The following PDS5B variants were observed in gnomAD, a reference collection of about 807,000 sequenced individuals.
The protein encoded by PDS5B is PDS5 cohesin associated factor B.
A neutral mutation model predicts 184.1 loss-of-function variants in PDS5B; 51 were observed. That is an observed-to-expected ratio of 0.28 (90% CI 0.22 to 0.35). The LOEUF (loss-of-function observed/expected upper bound fraction) is 0.35. Among genes scored for constraint, PDS5B ranks in the 10% least tolerant of loss-of-function variants. PDS5B has a pLI of 1.00. For synonymous variants in PDS5B, 566 were observed against 569.2 expected, an observed-to-expected ratio of 0.99 and a Z score of 0.08; for missense variants, 1,180 against 1,723.3, an observed-to-expected ratio of 0.68 and a Z score of 5.58.
At chr13:32,659,971 T>TA (rs1363699482) in intron 6 of PDS5B, among the ~76,000 whole-genome samples, 1 of 152,166 alleles carries the variant, frequency 6.6e-6, no homozygotes, top group Non-Finnish European at 1.5e-5. Flanking sequence ...TCCAAACTCT[T>TA]AAAGAAAACA....
chr13:32,686,765 A>G (rs1237335582), intron 11 of PDS5B, among the ~76,000 whole-genome samples: 7 of 152,040 alleles, frequency 4.6e-5, no homozygotes, highest in Non-Finnish European at 5.9e-5. Flanking sequence ...AACTTGGGCA[A>G]CAGAGATCCT....
At chr13:32,753,242 AC>A in intron 24 of PDS5B, 89 bp from the exon 25 acceptor site, 1 of 959,792 alleles carries the variant, frequency 1.0e-6, no homozygotes, top group Non-Finnish European at 1.6e-6. Flanking sequence ...GCTACTGTTT[AC>A]TCTTTACTTA....
At chr13:32,631,055 A>G (rs2140571958) in intron 1 of PDS5B, among the ~76,000 whole-genome samples, 1 of 151,352 alleles carries the variant, frequency 6.6e-6, no homozygotes, top group Non-Finnish European at 1.5e-5. Flanking sequence ...GGCCTTCCAA[A>G]GTGTTGGGAT....
chr13:32,620,080 T>G (rs1566253074), intron 1 of PDS5B, among the ~76,000 whole-genome samples: 1 of 152,132 alleles, frequency 6.6e-6, no homozygotes, highest in Non-Finnish European at 1.5e-5. Context: ...ATTACAGTCA[T>G]GAGCCAATGC....
In PDS5B at chr13:32,710,125, CA is replaced by C; in HGVS notation, c.2123+24del. The C allele has an allele frequency of 7.1e-7, 1 of 1,408,792 alleles. No individual in the cohort carries two copies. The highest frequency in any genetic ancestry group is 9.4e-7 in the Non-Finnish European group (1 of 1,058,822). 87.3% of individuals were successfully genotyped at this position (1,408,792 alleles called of 1,614,324 possible). A position where few individuals can be genotyped will look rare whatever the true frequency, so the allele number is the denominator to read the frequency against. On this transcript the variant is annotated intron_variant, in intron 19 of 34. Coordinates refer to ENST00000315596, the MANE Select transcript of PDS5B (RefSeq NM_015032.4). ...TCAGATCGTGAGTTGAGTTTATTTT[CA>C]AAAATATTCTGGACATCAGAAACAT...
chr13:32,625,707 A>G (rs2058360287), intron 1 of PDS5B, among the ~76,000 whole-genome samples: 1 of 152,166 alleles, frequency 6.6e-6, no homozygotes, highest in African/African-American at 2.4e-5. Flanking sequence ...ACACACAAGA[A>G]GCATATTGTT....
At chr13:32,689,945 C>T (rs1399598827) in intron 13 of PDS5B, 1 of 152,018 alleles carries the variant, frequency 6.6e-6, no homozygotes, top group African/African-American at 2.4e-5. Flanking sequence ...GCCCAACTGT[C>T]ATTCAAGAGT....
chr13:32,647,351 A>G (rs1950254016), intron 1 of PDS5B, among the ~76,000 whole-genome samples: 1 of 152,006 alleles, frequency 6.6e-6, no homozygotes, highest in Non-Finnish European at 1.5e-5. Context: ...GCTCACTGCA[A>G]CCTCTACCTC....
chr13:32,646,417 A>C (rs1950229217), intron 1 of PDS5B, among the ~76,000 whole-genome samples: 1 of 133,664 alleles, frequency 7.5e-6, no homozygotes, highest in African/African-American at 2.9e-5. Flanking sequence ...ACTATACTAC[A>C]AATTGCTATT....
At chr13:32,758,252 A>G (rs370241279) in intron 27 of PDS5B, 33 bp downstream of exon 27, 1 of 1,443,664 alleles carries the variant, frequency 6.9e-7, no homozygotes, top group Non-Finnish European at 9.3e-7. Flanking sequence ...TTATGGTTCC[A>G]TATTGATTTA....
intron 3 of PDS5B, among the ~76,000 whole-genome samples, chr13:32,652,972 A>G (rs2140670863): frequency 6.6e-6 from 1 of 152,324 alleles, no homozygotes; most frequent in Middle Eastern, 3.4e-3. Context: ...TTTATAAGGC[A>G]GATCAGGTAG....
intron 31 of PDS5B, among the ~76,000 whole-genome samples, chr13:32,767,527 T>C (rs17077816): frequency 0.023 from 3,551 of 152,344 alleles, 80 homozygotes; most frequent in South Asian, 0.063. Flanking sequence ...TTGTATCAGA[T>C]GTACATTTAG....
intron 25 of PDS5B, 43 bp downstream of exon 25, chr13:32,753,579 T>C: frequency 7.3e-7 from 1 of 1,378,880 alleles, no homozygotes; most frequent in Non-Finnish European, 1.0e-6. Context: ...TTCAGCCTGC[T>C]AGTTTCAGTT....
At chr13:32,655,244 A>G (rs184762401) in intron 3 of PDS5B, among the ~76,000 whole-genome samples, 39 of 149,170 alleles carry the variant, frequency 2.6e-4, no homozygotes, top group Admixed American at 2.4e-3. Flanking sequence ...ACGAGATGAT[A>G]TCTTGTTGTG....
At chr13:32,733,599 A>G (rs1156626647) in intron 20 of PDS5B, among the ~76,000 whole-genome samples, 6 of 152,198 alleles carry the variant, frequency 3.9e-5, no homozygotes, top group Non-Finnish European at 2.9e-5. Context: ...GGGAAAGAAC[A>G]GTTTTGTATT....
rs753471719 is a variant in PDS5B, at chr13:32,775,063, TTAA to T, written c.*15_*17del. 4 of 1,585,880 alleles carry T rather than the reference TTAA, an allele frequency of 2.5e-6. No individual in the cohort carries two copies. The highest frequency in any genetic ancestry group is 1.4e-5 in the African/African-American group (1 of 73,900). On this transcript the variant is annotated 3_prime_UTR_variant, in exon 35 of 35. Transcript: ENST00000315596. ...AGGGAACGGCGATGAACAAATGTAA[TTAA>T]TAACTTTCTCTGTGAAAGCTTTGGA... is the stretch of plus-strand genomic sequence containing the variant.
intron 1 of PDS5B, among the ~76,000 whole-genome samples, chr13:32,641,571 AT>A (rs1950090335): frequency 1.3e-5 from 2 of 151,742 alleles, no homozygotes; most frequent in African/African-American, 2.4e-5. Context: ...ATCTTCAAAC[AT>A]TTTTTCCGTA....
At position 32,758,614 on chromosome 13, in the gene PDS5B, C is replaced by T; in HGVS notation, c.3270C>T (p.Asp1090=). ...CATACAGTTTGGAATCTCCTAAAGA[C>T]CCGGTACTACCAGCTCGTTTCTTCA... ...STTYSLESPK[D]PVLPARFFTQ... The change falls in exon 28 of 35, where the codon GAC becomes GAT. Residue 1090 remains aspartate (D), a synonymous_variant. Transcript: ENST00000315596. The T allele has an allele frequency of 1.2e-6, 2 of 1,613,334 alleles. No individual in the cohort carries two copies. The highest frequency in any genetic ancestry group is 1.7e-6 in the Non-Finnish European group (2 of 1,179,400).
At position 32,775,149 on chromosome 13, in the gene PDS5B, A is replaced by G; in HGVS notation, c.*97A>G. ...AGGCTGAATAAAGCCTTTGATGCACAAAATGGGACTGCTGAAGAGTGGACA... is the reference window on the plus strand; with the variant it reads ...AGGCTGAATAAAGCCTTTGATGCACGAAATGGGACTGCTGAAGAGTGGACA... On this transcript the variant is annotated 3_prime_UTR_variant, in exon 35 of 35. Transcript: ENST00000315596. 1.0e-6 allele frequency: 1 copy of G among 999,874 alleles called. No individual in the cohort carries two copies. The highest frequency in any genetic ancestry group is 1.5e-6 in the Non-Finnish European group (1 of 675,384). The allele number at this position is 999,874 out of a possible 1,614,324, so 61.9% of individuals were successfully genotyped here.
Sources: gnomAD v4.1 joint callset for allele counts (sites outside exome capture counted in the v4.1 genomes callset) on GRCh38, gnomAD v4.1.1 for gene constraint, MANE v1.5 for transcripts, NCBI Gene and HGNC (gene_info 2026-07-23, HGNC 2026-07-21) for gene names.